Variants in MTUS2 observed in about 807,000 individuals in gnomAD.
MTUS2 encodes the protein microtubule-associated tumor suppressor candidate 2.
Under a neutral mutation model 114.1 loss-of-function variants are expected in MTUS2, and 40 were observed. The observed-to-expected ratio is 0.35, with a 90% CI of 0.27 to 0.46. The LOEUF is 0.46. Among genes scored for constraint, MTUS2 ranks in the 20% least tolerant of loss-of-function variants. MTUS2 has a pLI of 1.00. For synonymous variants in MTUS2, 688 were observed against 672.0 expected, an observed-to-expected ratio of 1.02 and a Z score of -0.37; for missense variants, 1,679 against 1,705.4, an observed-to-expected ratio of 0.98 and a Z score of 0.27.
At chr13:29,046,815 C>G (rs1887643026) in intron 4 of MTUS2, among the ~76,000 whole-genome samples, 1 of 152,184 alleles carries the variant, frequency 6.6e-6, no homozygotes, top group Non-Finnish European at 1.5e-5. Flanking sequence ...GCTCACATTC[C>G]TTTCCTTATT....
chr13:28,984,560 G>A (rs1414258134), intron 2 of MTUS2, among the ~76,000 whole-genome samples: 1 of 152,192 alleles, frequency 6.6e-6, no homozygotes, highest in African/African-American at 2.4e-5. Flanking sequence ...AGGTCAGCGT[G>A]CCTACGATAG....
intron 8 of MTUS2, among the ~76,000 whole-genome samples, chr13:29,379,968 T>C (rs6490403): frequency 0.61 from 92,614 of 152,004 alleles, 29,126 homozygotes; most frequent in East Asian, 0.75. Flanking sequence ...AAACTGGTGG[T>C]GTGAGTGTTT....
Position 29,025,439 on chromosome 13 carries a change from T to C in MTUS2, c.741T>C (p.Ser247=), listed in dbSNP as rs954540794. 6.2e-7 allele frequency: 1 copy of C among 1,611,898 alleles called. No homozygotes were observed. Residue 247 remains serine, a synonymous_variant, in exon 3 of 16, where the codon TCT becomes TCC. Transcript: ENST00000612955. The stretch of plus-strand genomic sequence containing the variant: ...AGAGTGTGCGTCATCCTAAACCATC[T>C]ACCTCAGAAAGCAAGCAGAGCACTC... ...EGKSVRHPKP[S]TSESKQSTPS...
At chr13:29,028,999 T>A (rs1886691454) in intron 3 of MTUS2, among the ~76,000 whole-genome samples, 1 of 152,222 alleles carries the variant, frequency 6.6e-6, no homozygotes, top group South Asian at 2.1e-4. Context: ...GAAGTTGTCA[T>A]ATCTAGCACA....
chr13:28,883,274 C>T (rs1047026421), intron 2 of MTUS2, among the ~76,000 whole-genome samples: 1 of 152,224 alleles, frequency 6.6e-6, no homozygotes, highest in African/African-American at 2.4e-5. Context: ...GTACTAACTA[C>T]ACAACTCGGC....
intron 7 of MTUS2, among the ~76,000 whole-genome samples, chr13:29,352,605 C>A (rs1013412894): frequency 2.6e-5 from 4 of 152,160 alleles, no homozygotes; most frequent in African/African-American, 9.7e-5. Context: ...TGAATGGAAT[C>A]ATATGCTTTG....
chr13:29,293,396 TAC>T (rs1898799682), intron 6 of MTUS2, among the ~76,000 whole-genome samples: 1 of 152,192 alleles, frequency 6.6e-6, no homozygotes, highest in Non-Finnish European at 1.5e-5. Context: ...TAGAATGAGA[TAC>T]AGTCTTTTTA....
chr13:28,903,758 A>G lies in MTUS2; in HGVS notation c.-243+63908A>G, dbSNP rs941786315. On this transcript the variant is annotated intron_variant, in intron 2 of 15. Transcript: ENST00000612955. ...TGTCTTTATAGCAGCATGATTTATA[A>G]TCCTTTGGGTATATACCCAGTAATG... 1.9e-3 allele frequency among the ~76,000 whole-genome samples: 292 copies of G among 151,950 alleles called. 2 individuals carry two copies. The highest frequency in any genetic ancestry group is 4.2e-3 in the Admixed American group (64 of 15,220).
At chr13:29,058,266 A>G (rs181548121) in intron 4 of MTUS2, among the ~76,000 whole-genome samples, 11 of 148,464 alleles carry the variant, frequency 7.4e-5, no homozygotes, top group African/African-American at 2.7e-4. Context: ...AGGGATGGTC[A>G]TCTTGTATAG....
intron 2 of MTUS2, among the ~76,000 whole-genome samples, chr13:28,921,115 A>G (rs1026165734): frequency 6.6e-6 from 1 of 152,166 alleles, no homozygotes; most frequent in South Asian, 2.1e-4. Flanking sequence ...TTTTCTCAGG[A>G]GTCTTAAACC....
intron 5 of MTUS2, among the ~76,000 whole-genome samples, chr13:29,182,855 G>C (rs1163887101): frequency 6.6e-6 from 1 of 152,176 alleles, no homozygotes; most frequent in African/African-American, 2.4e-5. Context: ...CACTGTGGGG[G>C]ACCCTAAGGT....
chr13:28,876,811 T>C (rs1416461942), intron 2 of MTUS2, among the ~76,000 whole-genome samples: 1 of 152,168 alleles, frequency 6.6e-6, no homozygotes, highest in Non-Finnish European at 1.5e-5. Context: ...TCAAACAATG[T>C]TCCTTATCCT....
intron 2 of MTUS2, among the ~76,000 whole-genome samples, chr13:28,998,125 G>T (rs9508219): frequency 0.44 from 65,719 of 150,412 alleles, 14,953 homozygotes; most frequent in East Asian, 0.67. Flanking sequence ...TGCTGTAAAG[G>T]ATTTTATTTC....
chr13:29,432,031 T>TTC (rs1566196602), intron 8 of MTUS2, among the ~76,000 whole-genome samples: 1 of 145,938 alleles, frequency 6.9e-6, no homozygotes, highest in Non-Finnish European at 1.5e-5. Flanking sequence ...TTTTTTTTTT[T>TTC]TGGCAGAGCT....
intron 9 of MTUS2, among the ~76,000 whole-genome samples, chr13:29,452,902 C>G (rs976604053): frequency 6.6e-6 from 1 of 152,128 alleles, no homozygotes; most frequent in Admixed American, 6.5e-5. Flanking sequence ...CTCCATAAAT[C>G]TAATATTTAA....
At chr13:29,048,848 T>A (rs1887756006) in intron 4 of MTUS2, among the ~76,000 whole-genome samples, 1 of 152,220 alleles carries the variant, frequency 6.6e-6, no homozygotes, top group Admixed American at 6.5e-5. Context: ...AATCCTGGGC[T>A]CAAGCATTCC....
chr13:29,252,771 C>G (rs1266976121), intron 5 of MTUS2, among the ~76,000 whole-genome samples: 1 of 152,164 alleles, frequency 6.6e-6, no homozygotes, highest in Non-Finnish European at 1.5e-5. Flanking sequence ...CTCACGAGAT[C>G]TGATGGTTTT....
intron 5 of MTUS2, among the ~76,000 whole-genome samples, chr13:29,113,233 A>C (rs1027052579): frequency 6.6e-6 from 1 of 152,206 alleles, no homozygotes; most frequent in African/African-American, 2.4e-5. Flanking sequence ...AGAGGGATGT[A>C]TGCAGCCCTG....
At chr13:29,371,623 T>C (rs1010780051) in intron 8 of MTUS2, among the ~76,000 whole-genome samples, 2 of 152,242 alleles carry the variant, frequency 1.3e-5, no homozygotes, top group East Asian at 1.9e-4. Context: ...AAAATGTTTC[T>C]GAAAAACCTG....
Sources: allele counts gnomAD v4.1 joint callset (sites outside exome capture counted in the v4.1 genomes callset), GRCh38; gene constraint gnomAD v4.1.1; transcripts MANE v1.5; gene names NCBI Gene and HGNC (gene_info 2026-07-23, HGNC 2026-07-21).